SMCO2: variants seen among roughly 807,000 people sequenced by gnomAD.
SMCO2 encodes the protein single-pass membrane and coiled-coil domain-containing protein 2.
Under a neutral mutation model 29.5 loss-of-function variants are expected in SMCO2, and 25 were observed. The ratio of observed to expected loss-of-function variants is 0.85; its 90% CI spans 0.62 to 1.18. SMCO2 has a LOEUF of 1.18. Among genes scored for constraint, SMCO2 ranks in the 50% most tolerant of loss-of-function variants. The pLI is 0.00. For synonymous variants in SMCO2, 117 were observed against 123.3 expected (o/e 0.95, Z 0.34); for missense variants, 348 against 344.5 (o/e 1.01, Z -0.08).
At chr12:27,478,308 G>T (rs1046206177) in intron 4 of SMCO2, among the ~76,000 whole-genome samples, 10 of 152,206 alleles carry the variant, frequency 6.6e-5, no homozygotes, top group Non-Finnish European at 1.3e-4. Context: ...GGTGGCAGCA[G>T]GGTGGGAATG....
At chr12:27,474,992 A>G in intron 4 of SMCO2, 79 bp downstream of exon 4, 3 of 1,479,476 alleles carry the variant, frequency 2.0e-6, no homozygotes, top group Middle Eastern at 4.1e-4. Flanking sequence ...TAACTTAGGG[A>G]AAGTCTGGAA....
At chr12:27,481,959 G>T (rs1565678350) in intron 4 of SMCO2, among the ~76,000 whole-genome samples, 1 of 148,448 alleles carries the variant, frequency 6.7e-6, no homozygotes, top group Non-Finnish European at 1.5e-5. Flanking sequence ...ATTTCATTGG[G>T]TTTTTTGCTA....
chr12:27,497,498 C>T (rs61915285), intron 7 of SMCO2: 19,438 of 179,808 alleles, frequency 0.11, 1,635 homozygotes, highest in Non-Finnish European at 0.15. Context: ...CCAAGCACTT[C>T]GGGAGCCTGA....
intron 7 of SMCO2, chr12:27,497,926 C>T: frequency 3.0e-6 from 1 of 336,936 alleles, no homozygotes. Flanking sequence ...TAACTAGAGT[C>T]TCCCGTGCTG....
chr12:27,458,332 A>C, the SMCO2 span, among the ~76,000 whole-genome samples: 3 of 152,206 alleles, frequency 2.0e-5, no homozygotes, highest in African/African-American at 7.2e-5. Context: ...GTTTAAATTA[A>C]ATTTTTACAT....
In SMCO2 at chr12:27,480,782, T is replaced by G. The variant is rs1273744374; in HGVS notation, c.362+5869T>G. Among the ~76,000 whole-genome samples, 3 of 152,288 alleles carry G rather than the reference T, an allele frequency of 2.0e-5. No individual in the cohort carries two copies. The East Asian group carries it at 5.8e-4, about 29-fold the overall frequency. On this transcript the variant is annotated intron_variant, in intron 4 of 7. Transcript: ENST00000298876. ...TTCATCTTCCACCATGATTGTAAGC[T>G]TCCTGAGGCCCTTACCAGGAGCCAA...
the SMCO2 span, among the ~76,000 whole-genome samples, chr12:27,447,592 A>G: frequency 6.6e-6 from 1 of 151,950 alleles, no homozygotes; most frequent in Non-Finnish European, 1.5e-5. Flanking sequence ...CCTTGTCTCT[A>G]TAAAAAATAC....
chr12:27,465,363 A>T (rs1357221425), upstream of SMCO2, among the ~76,000 whole-genome samples: 1 of 152,184 alleles, frequency 6.6e-6, no homozygotes, highest in Non-Finnish European at 1.5e-5. Context: ...ATTTTTCCTA[A>T]AGAAATATGA....
chr12:27,474,800 A>G (rs1949570467), exon 4 of SMCO2: 1 of 1,551,594 alleles, frequency 6.4e-7, no homozygotes, highest in Admixed American at 2.0e-5. Context: ...TGTTGGAGCT[A>G]GAGGCTGAGC....
chr12:27,455,337 T>C, the SMCO2 span, among the ~76,000 whole-genome samples: 1 of 152,222 alleles, frequency 6.6e-6, no homozygotes, highest in Non-Finnish European at 1.5e-5. Flanking sequence ...TTTATTACTA[T>C]TACAAATAGA....
At chr12:27,469,472 C>T (rs1263394592) in intron 1 of SMCO2, among the ~76,000 whole-genome samples, 1 of 152,136 alleles carries the variant, frequency 6.6e-6, no homozygotes. Context: ...ATTCCCAGGG[C>T]CTCCCTTCTC....
intron 3 of SMCO2, chr12:27,473,109 G>T (rs548312563): frequency 4.1e-5 from 17 of 417,660 alleles, no homozygotes; most frequent in African/African-American, 3.3e-4. Context: ...GAACAAAAAA[G>T]AAAAAAAAGT....
At chr12:27,470,805 C>T in intron 2 of SMCO2, 40 bp downstream of exon 2, 1 of 1,542,672 alleles carries the variant, frequency 6.5e-7, no homozygotes, top group African/African-American at 1.4e-5. Flanking sequence ...TTTCTAGGGT[C>T]CCAACTGCAG....
the SMCO2 span, among the ~76,000 whole-genome samples, chr12:27,455,949 C>A: frequency 6.6e-6 from 1 of 152,258 alleles, no homozygotes; most frequent in Non-Finnish European, 1.5e-5. Context: ...GTGGCTCACA[C>A]CTGCAATCCC....
At chr12:27,487,445 C>T (rs1032733972) in intron 4 of SMCO2, among the ~76,000 whole-genome samples, 1 of 152,092 alleles carries the variant, frequency 6.6e-6, no homozygotes, top group African/African-American at 2.4e-5. Context: ...TGATATGAAC[C>T]TATGCAGTGT....
At chr12:27,468,541 T>C (rs1949516355) in intron 1 of SMCO2, among the ~76,000 whole-genome samples, 1 of 152,256 alleles carries the variant, frequency 6.6e-6, no homozygotes, top group South Asian at 2.1e-4. Flanking sequence ...GTTGGGCATG[T>C]GTGGCTGTAA....
the SMCO2 span, among the ~76,000 whole-genome samples, chr12:27,455,691 G>A: frequency 0.74 from 111,982 of 152,066 alleles, 41,783 homozygotes; most frequent in Middle Eastern, 0.9. Context: ...ATTATATGTG[G>A]TAAGAATAAC....
At chr12:27,472,723 G>T in intron 2 of SMCO2, 53 bp from the exon 3 acceptor site, 1 of 1,391,736 alleles carries the variant, frequency 7.2e-7, no homozygotes, top group Non-Finnish European at 9.9e-7. Context: ...GCAGGCCCAA[G>T]CTCTGGCCCA....
the SMCO2 span, among the ~76,000 whole-genome samples, chr12:27,444,875 A>T: frequency 6.6e-6 from 1 of 152,236 alleles, no homozygotes; most frequent in East Asian, 1.9e-4. Context: ...TATCAAAGAG[A>T]TAGCTGCACG....
Sources: allele counts gnomAD v4.1 joint callset (sites outside exome capture counted in the v4.1 genomes callset), GRCh38; gene constraint gnomAD v4.1.1; transcripts MANE v1.5; gene names NCBI Gene and HGNC (gene_info 2026-07-23, HGNC 2026-07-21).